Variants in AKR1C2 observed in about 807,000 individuals in gnomAD.
AKR1C2 encodes aldo-keto reductase family 1 member C2.
Under a neutral mutation model 39.8 loss-of-function variants are expected in AKR1C2, and 27 were observed. The observed-to-expected ratio is 0.68, with a 90% CI of 0.50 to 0.93. The LOEUF is 0.93. Ranked by LOEUF, AKR1C2 falls within the 40% of genes least tolerant of loss-of-function variation. The pLI is 0.00. For missense variants in AKR1C2, 263 were observed against 365.1 expected (o/e 0.72, Z 2.28); for synonymous variants, 114 against 137.9 (o/e 0.83, Z 1.22).
chr10:5,009,941 G>A (rs1373090115), intron 1 of AKR1C2, among the ~76,000 whole-genome samples: 7 of 142,662 alleles, frequency 4.9e-5, no homozygotes, highest in Admixed American at 1.4e-4. Flanking sequence ...CCCCCATTCC[G>A]GCTCCCCATC....
chr10:4,996,029 C>G (rs1837024443), intron 5 of AKR1C2, 164 bp from the exon 6 acceptor site: 2 of 779,612 alleles, frequency 2.6e-6, no homozygotes, highest in East Asian at 7.0e-5. Flanking sequence ...ATGCCCCTCT[C>G]TCCTAAGAAA....
At chr10:5,010,261 C>T (rs1357037580) in intron 1 of AKR1C2, 1 of 151,930 alleles carries the variant, frequency 6.6e-6, no homozygotes, top group Non-Finnish European at 1.5e-5. Flanking sequence ...TGCTCCCCCT[C>T]CCTCAAGCAG....
At chr10:5,008,362 C>G (rs1270959106), upstream of AKR1C2, among the ~76,000 whole-genome samples, 5 of 151,702 alleles carry the variant, frequency 3.3e-5, no homozygotes, top group Non-Finnish European at 5.9e-5. Context: ...TCTTGTGCCC[C>G]AGAGGACTCA....
upstream of AKR1C2, chr10:5,007,466 A>G (rs1417747694): frequency 6.6e-6 from 1 of 152,056 alleles, no homozygotes; most frequent in Non-Finnish European, 1.5e-5. Context: ...TTCAGAGTGG[A>G]TGGTATAACT....
intron 1 of AKR1C2, among the ~76,000 whole-genome samples, chr10:5,017,245 G>C (rs1293233760): frequency 2.6e-5 from 4 of 152,086 alleles, no homozygotes; most frequent in African/African-American, 7.2e-5. Flanking sequence ...TTTCTTTTCT[G>C]CTACATGGCC....
chr10:5,002,393 T>C (rs1816968335), intron 1 of AKR1C2, among the ~76,000 whole-genome samples: 1 of 152,214 alleles, frequency 6.6e-6, no homozygotes, highest in South Asian at 2.1e-4. Flanking sequence ...GGCACATCTA[T>C]GGATAGCAGT....
In AKR1C2 at chr10:4,988,091, G is replaced by T. The variant is rs1836721089; in HGVS notation, c.*1905C>A. On this transcript the variant is annotated 3_prime_UTR_variant, in exon 9 of 9. Coordinates refer to ENST00000380753, the MANE Select transcript of AKR1C2 (RefSeq NM_001393392.1). The stretch of plus-strand genomic sequence containing the variant: ...CACAGCAGCCGTACTATTTACAAAT[G>T]ACTGACCTAATGATTATTTCACATC... 1 of 152,072 alleles carries T rather than the reference G, an allele frequency of 6.6e-6. No homozygotes were observed. 9.4% of individuals were successfully genotyped at this position (152,072 alleles called of 1,614,324 possible).
Position 4,998,649 on chromosome 10 carries a change from G to A in AKR1C2, c.546C>T (p.Leu182=). The change falls in exon 5 of 9, where the codon CTC becomes CTT. Residue 182 remains leucine (L), a synonymous_variant. Transcript: ENST00000380753. ...LLEMILNKPG[L]KYKPVCNQVE... is the part of the protein sequence containing the mutation. ...CCTGGTTGCAGACAGGCTTGTACTT[G>A]AGCCCTGGCTTGTTGAGGATCATCT... 1 of 1,614,174 alleles carries A rather than the reference G, an allele frequency of 6.2e-7. No homozygotes were observed. The highest frequency in any genetic ancestry group is 8.5e-7 in the Non-Finnish European group (1 of 1,180,024).
chr10:4,988,798 C>A lies in AKR1C2; in HGVS notation c.*1198G>T, dbSNP rs1836743732. The A allele has an allele frequency of 5.3e-5, 8 of 151,202 alleles. No individual in the cohort carries two copies. The highest frequency in any genetic ancestry group is 5.3e-4 in the Admixed American group (8 of 15,176). The allele number at this position is 151,202 out of a possible 1,614,324, so 9.4% of individuals were successfully genotyped here. On this transcript the variant is annotated 3_prime_UTR_variant, in exon 9 of 9. Coordinates refer to ENST00000380753, the MANE Select transcript of AKR1C2 (RefSeq NM_001393392.1). ...TATCCCAAGTTTTCAAAAGTGTTTT[C>A]TAAAACGAAAATCATGTCTTCATGA...
At position 4,995,192 on chromosome 10, in the gene AKR1C2, A is replaced by G; in HGVS notation, c.846+127T>C. The G allele has an allele frequency of 5.1e-6, 7 of 1,362,734 alleles. No individual in the cohort carries two copies. In the South Asian group the frequency reaches 9.2e-5, roughly 18 times the overall value. The allele number at this position is 1,362,734 out of a possible 1,614,324, so 84.4% of individuals were successfully genotyped here. A position where few individuals can be genotyped will look rare whatever the true frequency, so the allele number is the denominator to read the frequency against. ...TAGAAGAAACCCTTATGACGTACAC[A>G]AAGAGTTCATGCATAGGAAATACAG... On this transcript the variant is annotated intron_variant, in intron 7 of 8. Coordinates refer to ENST00000380753, the MANE Select transcript of AKR1C2 (RefSeq NM_001393392.1).
chr10:4,997,799 T>C lies in AKR1C2; in HGVS notation c.570+826A>G, dbSNP rs565706145. Among the ~76,000 whole-genome samples the C allele has an allele frequency of 3.3e-5, 5 of 152,368 alleles. No homozygotes were observed. The South Asian group carries it at 1.0e-3, about 32-fold the overall frequency. ...GTTACTGGGAAAGGTGTAGTGATTTTAATGCTGAAATGTGTGTAACATTTG... is the reference window on the plus strand; with the variant it reads ...GTTACTGGGAAAGGTGTAGTGATTTCAATGCTGAAATGTGTGTAACATTTG... On this transcript the variant is annotated intron_variant, in intron 5 of 8. Transcript: ENST00000380753.
At position 5,000,685 on chromosome 10, in the gene AKR1C2, C is replaced by G. The variant is rs112301376; in HGVS notation, c.253-19G>C. 2,538 of 1,600,480 alleles carry G rather than the reference C, an allele frequency of 1.6e-3. 34 individuals carry two copies. In the African/African-American group the frequency reaches 0.027, roughly 17 times the overall value. On this transcript the variant is annotated intron_variant, in intron 2 of 8. Transcript: ENST00000380753. ...TCCAAAGCTGCAGAGGTTAGAGAAACGAAGTTGTGTAATGAAAACTTGAGC... is the reference window on the plus strand; with the variant it reads ...TCCAAAGCTGCAGAGGTTAGAGAAAGGAAGTTGTGTAATGAAAACTTGAGC...
chr10:5,007,226 G>A (rs1189452058), upstream of AKR1C2, among the ~76,000 whole-genome samples: 2 of 142,378 alleles, frequency 1.4e-5, no homozygotes, highest in African/African-American at 2.6e-5. Flanking sequence ...GTCATATAGA[G>A]GTATAAAGAC....
At chr10:5,002,475 A>G (rs1166276467) in intron 1 of AKR1C2, among the ~76,000 whole-genome samples, 1 of 152,216 alleles carries the variant, frequency 6.6e-6, no homozygotes, top group African/African-American at 2.4e-5. Flanking sequence ...TACTAGGAGT[A>G]AAGATGTATA....
Position 4,989,822 on chromosome 10 carries a change from A to G in AKR1C2, c.*174T>C. On this transcript the variant is annotated 3_prime_UTR_variant, in exon 9 of 9. Coordinates refer to ENST00000380753, the MANE Select transcript of AKR1C2 (RefSeq NM_001393392.1). ...GCATTTAATTTTTTCAAAATGAAAA[A>G]CAAAATTATTGTCTTTCTTTTCCGG... 9.9e-7 allele frequency: 1 copy of G among 1,007,606 alleles called. No individual in the cohort carries two copies. The highest frequency in any genetic ancestry group is 1.4e-6 in the Non-Finnish European group (1 of 694,020). The allele number at this position is 1,007,606 out of a possible 1,614,324, so 62.4% of individuals were successfully genotyped here.
At chr10:5,005,077 TA>T (rs1554774273), upstream of AKR1C2, among the ~76,000 whole-genome samples, 1 of 151,778 alleles carries the variant, frequency 6.6e-6, no homozygotes, top group Non-Finnish European at 1.5e-5. Context: ...ATACAGATGT[TA>T]TAGGCAAAAG....
At chr10:5,006,053 C>T (rs1837396949), upstream of AKR1C2, 1 of 152,132 alleles carries the variant, frequency 6.6e-6, no homozygotes, top group African/African-American at 2.4e-5. Flanking sequence ...ATTCCTGAGT[C>T]TAAGGACATG....
chr10:5,003,869 C>T (rs781955885), upstream of AKR1C2: 1 of 1,612,738 alleles, frequency 6.2e-7, no homozygotes, highest in Non-Finnish European at 8.5e-7. Flanking sequence ...AATGTTTCTT[C>T]CTCCCTCACA....
intron 8 of AKR1C2, among the ~76,000 whole-genome samples, chr10:4,991,369 C>T (rs1836838072): frequency 6.6e-6 from 1 of 152,032 alleles, no homozygotes; most frequent in African/African-American, 2.4e-5. Flanking sequence ...CAAGCAATTC[C>T]ATGTGAAAGA....
Sources: allele counts gnomAD v4.1 joint callset (sites outside exome capture counted in the v4.1 genomes callset), GRCh38; gene constraint gnomAD v4.1.1; transcripts MANE v1.5; gene names NCBI Gene and HGNC (gene_info 2026-07-23, HGNC 2026-07-21).